The following WAC variants were observed in gnomAD, a reference collection of about 807,000 sequenced individuals.
The protein encoded by WAC is WW domain containing adaptor with coiled-coil, also known as WW domain-containing adapter protein with coiled-coil.
A neutral mutation model predicts 79.6 loss-of-function variants in WAC; 11 were observed. The ratio of observed to expected loss-of-function variants is 0.14; its 90% CI spans 0.09 to 0.23. The LOEUF (loss-of-function observed/expected upper bound fraction) is 0.23, where lower values mean the gene tolerates loss of function less well. WAC is among the 10% of genes least tolerant of loss of function. The pLI is 1.00. For missense variants in WAC, 728 were observed against 773.5 expected (o/e 0.94, Z 0.70); for synonymous variants, 304 against 276.9 (o/e 1.10, Z -0.97).
At chr10:28,567,624 A>T (rs1332800149) in intron 3 of WAC, among the ~76,000 whole-genome samples, 1 of 152,206 alleles carries the variant, frequency 6.6e-6, no homozygotes, top group Admixed American at 6.5e-5. Flanking sequence ...GGCCAAAAAA[A>T]GGCAGTTTAT....
At chr10:28,588,753 A>G (rs911049883) in intron 4 of WAC, 1 of 152,138 alleles carries the variant, frequency 6.6e-6, no homozygotes, top group African/African-American at 2.4e-5. Context: ...TAAATTGACA[A>G]TTCTACATAT....
intron 3 of WAC, among the ~76,000 whole-genome samples, chr10:28,579,000 T>C (rs1839391944): frequency 6.6e-6 from 1 of 152,168 alleles, no homozygotes; most frequent in Admixed American, 6.5e-5. Flanking sequence ...CCTATATCTG[T>C]CCTGCTCTTC....
intron 3 of WAC, among the ~76,000 whole-genome samples, chr10:28,575,302 T>G (rs546425229): frequency 6.6e-6 from 1 of 152,212 alleles, no homozygotes; most frequent in East Asian, 1.9e-4. Flanking sequence ...GTTGCCATCT[T>G]TACGTCCCCG....
At chr10:28,596,147 T>A in intron 7 of WAC, 106 bp downstream of exon 7, 1 of 1,227,582 alleles carries the variant, frequency 8.1e-7, no homozygotes, top group Non-Finnish European at 1.1e-6. Flanking sequence ...TATAAATTTT[T>A]AAAAAAGTCT....
chr10:28,559,570 T>C (rs368926891), intron 3 of WAC, among the ~76,000 whole-genome samples: 4 of 152,176 alleles, frequency 2.6e-5, no homozygotes, highest in African/African-American at 9.7e-5. Context: ...TTAGCATTTG[T>C]GACAAGCAAG....
rs1384035337 is a variant in WAC, at chr10:28,621,274, C to G, written c.*1668C>G. ...TAAGTGCTTCCAAAACTGGCAGCAC[C>G]AAGGGCTTATTTTTTATGTTAGACA... is the stretch of plus-strand genomic sequence containing the variant. On this transcript the variant is annotated 3_prime_UTR_variant, in exon 14 of 14. Coordinates refer to ENST00000354911, the MANE Select transcript of WAC (RefSeq NM_016628.5). 7.1e-6 allele frequency: 1 copy of G among 139,884 alleles called. No individual in the cohort carries two copies. Among genetic ancestry groups the G allele is most frequent in the Non-Finnish European group, 1.5e-5 (1 of 66,202 alleles). 8.7% of individuals were successfully genotyped at this position (139,884 alleles called of 1,614,324 possible).
chr10:28,608,954 T>G (rs145098875), intron 8 of WAC, among the ~76,000 whole-genome samples: 44 of 152,216 alleles, frequency 2.9e-4, no homozygotes, highest in Non-Finnish European at 5.9e-4. Flanking sequence ...ATTGCATTAT[T>G]TAATTCCAGC....
intron 7 of WAC, among the ~76,000 whole-genome samples, chr10:28,598,722 T>A (rs776252109): frequency 6.6e-6 from 1 of 152,218 alleles, no homozygotes; most frequent in African/African-American, 2.4e-5. Context: ...CCAAATGTAA[T>A]GAAAGACATA....
chr10:28,614,740 G>A, intron 11 of WAC, 55 bp downstream of exon 11: 1 of 1,335,140 alleles, frequency 7.5e-7, no homozygotes, highest in Non-Finnish European at 1.1e-6. Context: ...ATGGTACACT[G>A]CATTGTTTGA....
intron 8 of WAC, among the ~76,000 whole-genome samples, 157 bp from the exon 9 acceptor site, chr10:28,610,542 G>GGAAATGATCCATTTGGGAAT (rs1363342231): frequency 6.7e-6 from 1 of 150,314 alleles, no homozygotes; most frequent in Non-Finnish European, 1.5e-5. Context: ...TTCAAATTTG[G>GGAAATGATCCATTTGGGAAT]GACCCATTGT....
At chr10:28,578,171 CA>C (rs1219797486) in intron 3 of WAC, among the ~76,000 whole-genome samples, 2 of 151,710 alleles carry the variant, frequency 1.3e-5, no homozygotes, top group African/African-American at 4.9e-5. Flanking sequence ...CAAAACAAAA[CA>C]AAAAAATTTA....
At chr10:28,561,955 G>T (rs1220505753) in intron 3 of WAC, among the ~76,000 whole-genome samples, 4 of 152,168 alleles carry the variant, frequency 2.6e-5, no homozygotes, top group Non-Finnish European at 5.9e-5. Flanking sequence ...AATTGGAATT[G>T]TTGGGAAGAA....
intron 7 of WAC, among the ~76,000 whole-genome samples, chr10:28,601,648 C>A (rs183658626): frequency 1.3e-5 from 2 of 152,114 alleles, no homozygotes; most frequent in South Asian, 2.1e-4. Context: ...TAGATAGAAA[C>A]AATCAAGTGT....
chr10:28,578,480 C>T (rs1199402076), intron 3 of WAC, among the ~76,000 whole-genome samples: 1 of 152,076 alleles, frequency 6.6e-6, no homozygotes, highest in African/African-American at 2.4e-5. Flanking sequence ...TAATATTTTG[C>T]TCCTGAGTAG....
intron 6 of WAC, among the ~76,000 whole-genome samples, chr10:28,592,454 T>C (rs889874862): frequency 6.6e-6 from 1 of 152,000 alleles, no homozygotes; most frequent in Admixed American, 6.6e-5. Context: ...AAACCCCGTC[T>C]CTACTAAAAT....
At chr10:28,533,694 A>T in intron 1 of WAC, 74 bp downstream of exon 1, 1 of 1,456,654 alleles carries the variant, frequency 6.9e-7, no homozygotes, top group Non-Finnish European at 9.2e-7. Context: ...CCTTATCTGG[A>T]GCTGGCCGGG....
rs147455933 is a variant in WAC, at chr10:28,585,675, A to G, written c.381+2170A>G. On this transcript the variant is annotated intron_variant, in intron 4 of 13. Coordinates refer to ENST00000354911, the MANE Select transcript of WAC (RefSeq NM_016628.5). Reference sequence around the variant, plus strand: ...TGCCTGTTTTCCTGGAAAACAGTCTATTACTTTACAAAGTAACACTAACCT... The same window carrying G: ...TGCCTGTTTTCCTGGAAAACAGTCTGTTACTTTACAAAGTAACACTAACCT... 2.0e-3 allele frequency among the ~76,000 whole-genome samples: 309 copies of G among 152,048 alleles called. 1 individual carries two copies. Among genetic ancestry groups the G allele is most frequent in the Non-Finnish European group, 3.6e-3 (244 of 67,982 alleles).
intron 3 of WAC, among the ~76,000 whole-genome samples, chr10:28,561,540 G>A (rs1288512284): frequency 3.3e-5 from 5 of 152,000 alleles, no homozygotes; most frequent in Non-Finnish European, 7.4e-5. Flanking sequence ...ATTAGAGCAC[G>A]TGTGTATTTA....
intron 9 of WAC, chr10:28,611,473 A>T: frequency 7.4e-7 from 1 of 1,352,224 alleles, no homozygotes; most frequent in Non-Finnish European, 9.7e-7. Flanking sequence ...GAAAGAAGAA[A>T]TAAGGATGGT....
Sources: allele counts gnomAD v4.1 joint callset (sites outside exome capture counted in the v4.1 genomes callset), GRCh38; gene constraint gnomAD v4.1.1; transcripts MANE v1.5; gene names NCBI Gene and HGNC (gene_info 2026-07-23, HGNC 2026-07-21).